Variants in ARHGAP28 observed in about 807,000 individuals in gnomAD.
The protein encoded by ARHGAP28 is rho GTPase-activating protein 28.
ARHGAP28 carries 56 observed loss-of-function variants against 90.7 expected under a neutral mutation model. The observed-to-expected ratio is 0.62, with a 90% CI of 0.50 to 0.77. ARHGAP28 has a LOEUF of 0.77. Among genes scored for constraint, ARHGAP28 ranks in the 30% least tolerant of loss-of-function variants. ARHGAP28 has a pLI of 0.00. For missense variants in ARHGAP28, 869 were observed against 900.9 expected, an observed-to-expected ratio of 0.96 and a Z score of 0.45; for synonymous variants, 308 against 323.3, an observed-to-expected ratio of 0.95 and a Z score of 0.51.
chr18:6,754,812 A>G (rs2056096211), intron 1 of ARHGAP28: 1 of 152,154 alleles, frequency 6.6e-6, no homozygotes. Context: ...AATTTGATCC[A>G]AGGGTAAGGA....
At chr18:6,824,021 T>C (rs764779644) in intron 1 of ARHGAP28, among the ~76,000 whole-genome samples, 22 of 152,162 alleles carry the variant, frequency 1.4e-4, no homozygotes, top group African/African-American at 3.6e-4. Context: ...TCACCAACGC[T>C]TGTGATTATC....
intron 9 of ARHGAP28, 132 bp downstream of exon 9, chr18:6,873,907 G>T (rs991367797): frequency 3.8e-6 from 3 of 786,972 alleles, no homozygotes; most frequent in Non-Finnish European, 6.2e-6. Context: ...GGCCCCTGGT[G>T]ATTTTCAGCT....
chr18:6,754,434 G>T (rs2056093434), intron 1 of ARHGAP28, among the ~76,000 whole-genome samples: 1 of 152,138 alleles, frequency 6.6e-6, no homozygotes, highest in African/African-American at 2.4e-5. Context: ...AAGAATCCAT[G>T]CTGGCTAAGA....
intron 3 of ARHGAP28, among the ~76,000 whole-genome samples, chr18:6,843,377 T>G (rs1335695608): frequency 1.3e-5 from 2 of 152,228 alleles, no homozygotes; most frequent in Non-Finnish European, 2.9e-5. Context: ...TTGGTTCTTC[T>G]GAGTGGGGTG....
intron 14 of ARHGAP28, among the ~76,000 whole-genome samples, chr18:6,891,544 G>A (rs1033792937): frequency 6.6e-5 from 10 of 151,894 alleles, no homozygotes; most frequent in East Asian, 5.8e-4. Context: ...TCAGCCTCCC[G>A]AAGTGCTGAG....
intron 1 of ARHGAP28, among the ~76,000 whole-genome samples, chr18:6,768,939 G>GT (rs1567941147): frequency 6.6e-6 from 1 of 152,050 alleles, no homozygotes; most frequent in Non-Finnish European, 1.5e-5. Context: ...TCTATAAACA[G>GT]TTTTTTATGT....
intron 5 of ARHGAP28, among the ~76,000 whole-genome samples, chr18:6,864,492 A>G (rs1341983881): frequency 6.6e-6 from 1 of 152,236 alleles, no homozygotes; most frequent in African/African-American, 2.4e-5. Flanking sequence ...GTATGTTGTT[A>G]TAAATTTATT....
intron 3 of ARHGAP28, among the ~76,000 whole-genome samples, chr18:6,837,972 C>T (rs1398716271): frequency 4.6e-5 from 7 of 152,130 alleles, no homozygotes; most frequent in Admixed American, 4.6e-4. Context: ...TCTAGCTTAC[C>T]CTTAGCAATT....
chr18:6,871,608 G>A (rs573731122), intron 7 of ARHGAP28, among the ~76,000 whole-genome samples: 2 of 152,122 alleles, frequency 1.3e-5, no homozygotes, highest in Non-Finnish European at 2.9e-5. Flanking sequence ...TGTAACATTG[G>A]TCTGTTTGCC....
At chr18:6,790,175 A>C (rs1267251956) in intron 1 of ARHGAP28, 2 of 152,200 alleles carry the variant, frequency 1.3e-5, no homozygotes, top group Non-Finnish European at 2.9e-5. Flanking sequence ...CCAAATTTTC[A>C]TAAATAACTT....
At chr18:6,859,993 A>C in intron 5 of ARHGAP28, 96 bp downstream of exon 5, 1 of 1,052,834 alleles carries the variant, frequency 9.5e-7, no homozygotes, top group Non-Finnish European at 1.4e-6. Context: ...TCTTTAAAAC[A>C]TTAAAAAATA....
intron 1 of ARHGAP28, among the ~76,000 whole-genome samples, chr18:6,762,764 G>T (rs2056171946): frequency 6.6e-6 from 1 of 152,078 alleles, no homozygotes; most frequent in Non-Finnish European, 1.5e-5. Flanking sequence ...TATGAGCCAA[G>T]GAGAGGGGCC....
chr18:6,738,038 A>G (rs2055943513), intron 1 of ARHGAP28, among the ~76,000 whole-genome samples: 2 of 152,206 alleles, frequency 1.3e-5, no homozygotes, highest in South Asian at 2.1e-4. Flanking sequence ...AATTAAATCT[A>G]TGCATTCCTT....
intron 4 of ARHGAP28, among the ~76,000 whole-genome samples, chr18:6,859,475 C>A (rs1373568816): frequency 6.6e-6 from 1 of 152,148 alleles, no homozygotes; most frequent in Non-Finnish European, 1.5e-5. Context: ...ACCTTGTCGG[C>A]CACGTGACCC....
chr18:6,736,259 G>C (rs143173824), intron 1 of ARHGAP28, among the ~76,000 whole-genome samples: 1 of 151,042 alleles, frequency 6.6e-6, no homozygotes, highest in African/African-American at 2.4e-5. Flanking sequence ...GCTTTTAAAA[G>C]GTCAGCCAAA....
intron 1 of ARHGAP28, among the ~76,000 whole-genome samples, chr18:6,803,504 G>A (rs887518656): frequency 2.0e-5 from 3 of 151,910 alleles, no homozygotes; most frequent in Admixed American, 2.0e-4. Flanking sequence ...AATAATACTT[G>A]TGTCTGTGTA....
intron 1 of ARHGAP28, among the ~76,000 whole-genome samples, chr18:6,746,327 T>C (rs891795894): frequency 6.6e-6 from 1 of 152,218 alleles, no homozygotes; most frequent in Admixed American, 6.5e-5. Flanking sequence ...GCTTTGCTGG[T>C]TGTATTTTCT....
intron 4 of ARHGAP28, among the ~76,000 whole-genome samples, chr18:6,855,932 C>G (rs551546358): frequency 6.6e-6 from 1 of 152,368 alleles, no homozygotes; most frequent in East Asian, 1.9e-4. Flanking sequence ...CTGGACCCTG[C>G]GCTTGCTCAC....
At chr18:6,866,660 CAA>C (rs1383474093) in intron 5 of ARHGAP28, among the ~76,000 whole-genome samples, 1 of 152,242 alleles carries the variant, frequency 6.6e-6, no homozygotes, top group East Asian at 1.9e-4. Flanking sequence ...GTAAGTAGCT[CAA>C]GAGCAGGGAT....
Sources: gnomAD v4.1 joint callset for allele counts (sites outside exome capture counted in the v4.1 genomes callset) on GRCh38, gnomAD v4.1.1 for gene constraint, MANE v1.5 for transcripts, NCBI Gene and HGNC (gene_info 2026-07-23, HGNC 2026-07-21) for gene names.